CLGN: variants seen among roughly 807,000 people sequenced by gnomAD.
The protein encoded by CLGN is testis tissue sperm-binding protein Li 79P.
A neutral mutation model predicts 79.1 loss-of-function variants in CLGN; 62 were observed. That is an observed-to-expected ratio of 0.78 (90% CI 0.64 to 0.97). The LOEUF (loss-of-function observed/expected upper bound fraction) is 0.97, where lower values mean the gene tolerates loss of function less well. CLGN is among the 50% of genes least tolerant of loss of function. The pLI is 0.00. For synonymous variants in CLGN, 225 were observed against 224.7 expected, an observed-to-expected ratio of 1.00 and a Z score of -0.01; for missense variants, 647 against 715.5, an observed-to-expected ratio of 0.90 and a Z score of 1.09.
Position 140,389,062 on chromosome 4 carries a change from C to G in CLGN, c.*162G>C. Reference sequence around the variant, plus strand: ...AGATGAGGTAACTTCAAAGTTGCTTCTTTTTCCTCTGAAATGAAGGACTAA... The same window carrying G: ...AGATGAGGTAACTTCAAAGTTGCTTGTTTTTCCTCTGAAATGAAGGACTAA... On this transcript the variant is annotated 3_prime_UTR_variant, in exon 15 of 15. Coordinates refer to ENST00000325617, the MANE Select transcript of CLGN (RefSeq NM_004362.3). 1.7e-6 allele frequency: 1 copy of G among 601,408 alleles called. No homozygotes were observed. The allele number at this position is 601,408 out of a possible 1,614,324, so 37.3% of individuals were successfully genotyped here.
At chr4:140,392,762 C>T in intron 11 of CLGN, 51 bp from the exon 12 acceptor site, 1 of 1,496,958 alleles carries the variant, frequency 6.7e-7, no homozygotes, top group Non-Finnish European at 8.9e-7. Context: ...CAAACCTTTA[C>T]TGGGTAACAC....
intron 6 of CLGN, among the ~76,000 whole-genome samples, chr4:140,401,080 T>G (rs551857925): frequency 2.0e-5 from 3 of 152,244 alleles, no homozygotes; most frequent in Admixed American, 2.0e-4. Context: ...ATCCTACCAC[T>G]GCCTCTTAAA....
chr4:140,423,272 C>T (rs927805529), intron 1 of CLGN, among the ~76,000 whole-genome samples: 2 of 152,098 alleles, frequency 1.3e-5, no homozygotes, highest in African/African-American at 4.8e-5. Context: ...ATGTCAAATG[C>T]TTTTTCTGCA....
At chr4:140,398,377 C>G (rs1479660417) in intron 8 of CLGN, among the ~76,000 whole-genome samples, 1 of 144,842 alleles carries the variant, frequency 6.9e-6, no homozygotes, top group East Asian at 2.1e-4. Flanking sequence ...TCAAGCAATT[C>G]TCCTGCCTCA....
chr4:140,417,102 C>T (rs1350623580), intron 1 of CLGN, among the ~76,000 whole-genome samples: 3 of 146,292 alleles, frequency 2.1e-5, no homozygotes, highest in African/African-American at 7.6e-5. Context: ...ACAAAAACCA[C>T]ATGATTATCT....
chr4:140,410,544 A>C lies in CLGN; in HGVS notation c.218+9T>G, dbSNP rs200768733. ...ATCAAAGAAAACATTCTCTTGAATG[A>C]ATACTCACCCAGCCAACCTTCCACT... On this transcript the variant is annotated intron_variant, in intron 3 of 14. Coordinates refer to ENST00000325617, the MANE Select transcript of CLGN (RefSeq NM_004362.3). 120 of 1,573,354 alleles carry C rather than the reference A, an allele frequency of 7.6e-5. No individual in the cohort carries two copies. The East Asian group carries it at 2.6e-3, about 34-fold the overall frequency.
chr4:140,401,178 C>T (rs1728992250), intron 6 of CLGN, among the ~76,000 whole-genome samples: 1 of 152,080 alleles, frequency 6.6e-6, no homozygotes, highest in South Asian at 2.1e-4. Context: ...GATAATAGTA[C>T]CTACCTTATA....
chr4:140,405,642 C>T (rs543906733), intron 5 of CLGN, among the ~76,000 whole-genome samples: 2 of 152,188 alleles, frequency 1.3e-5, no homozygotes, highest in African/African-American at 4.8e-5. Context: ...TCAATACAAG[C>T]ACTCAGACCA....
rs1430204799 is a variant in CLGN at position 140,405,871 on chromosome 4, A to G, written c.419+71T>C. On this transcript the variant is annotated intron_variant, in intron 5 of 14. Coordinates refer to ENST00000325617, the MANE Select transcript of CLGN (RefSeq NM_004362.3). ...AGATTTTCACATCCATTTTCAAAAT[A>G]CAAGCTATATTCAGAAGCCAAAGCT... The G allele has an allele frequency of 6.9e-6, 10 of 1,452,936 alleles. No individual in the cohort carries two copies. The East Asian group carries it at 7.3e-5, about 11-fold the overall frequency. 90.0% of individuals were successfully genotyped at this position (1,452,936 alleles called of 1,614,324 possible).
At chr4:140,400,944 T>C (rs960984471) in intron 6 of CLGN, among the ~76,000 whole-genome samples, 2 of 152,126 alleles carry the variant, frequency 1.3e-5, no homozygotes, top group Non-Finnish European at 2.9e-5. Flanking sequence ...AAAATGACCC[T>C]CTGAGCACAA....
chr4:140,425,429 GGTGT>G (rs754897067), intron 1 of CLGN, among the ~76,000 whole-genome samples: 3,375 of 116,848 alleles, frequency 0.029, 125 homozygotes, highest in African/African-American at 0.094. Context: ...GAATCAATAG[GGTGT>G]GTGTGTGTGT....
rs566058701 is a variant in CLGN, at chr4:140,412,873, G to A, written c.144+62C>T. On this transcript the variant is annotated intron_variant, in intron 2 of 14. Coordinates refer to ENST00000325617, the MANE Select transcript of CLGN (RefSeq NM_004362.3). ...TTTGAACTGAAATGAATCACCAGAGGTCAATCACTTCATTGTACTATGTAA... is the reference window on the plus strand; with the variant it reads ...TTTGAACTGAAATGAATCACCAGAGATCAATCACTTCATTGTACTATGTAA... 6.6e-6 allele frequency: 9 copies of A among 1,356,474 alleles called. No homozygotes were observed. In the African/African-American group the frequency reaches 7.3e-5, roughly 11 times the overall value. 84.0% of individuals were successfully genotyped at this position (1,356,474 alleles called of 1,614,324 possible). A position where few individuals can be genotyped will look rare whatever the true frequency, so the allele number is the denominator to read the frequency against.
At chr4:140,412,348 A>G (rs991225739) in intron 2 of CLGN, among the ~76,000 whole-genome samples, 1 of 152,140 alleles carries the variant, frequency 6.6e-6, no homozygotes, top group African/African-American at 2.4e-5. Context: ...TTAGATATGA[A>G]TATTCCTCAA....
At chr4:140,410,694 TA>T (rs1193589548) in intron 2 of CLGN, 68 bp from the exon 3 acceptor site, 9 of 997,180 alleles carry the variant, frequency 9.0e-6, no homozygotes, top group Non-Finnish European at 1.4e-5. Flanking sequence ...ATAATCTTCC[TA>T]GTGAAGAACA....
intron 1 of CLGN, among the ~76,000 whole-genome samples, chr4:140,414,362 C>A (rs1250262154): frequency 6.6e-6 from 1 of 151,348 alleles, no homozygotes; most frequent in Non-Finnish European, 1.5e-5. Context: ...ATGACTTTGA[C>A]GAGCTGAGAG....
At chr4:140,410,256 G>A (rs947210527) in intron 3 of CLGN, among the ~76,000 whole-genome samples, 2 of 151,918 alleles carry the variant, frequency 1.3e-5, no homozygotes, top group Non-Finnish European at 2.9e-5. Flanking sequence ...TTAGAGTAGA[G>A]CAGTACTCAT....
In CLGN at chr4:140,395,823, T is replaced by G; in HGVS notation, c.1145A>C (p.Tyr382Ser). The G allele has an allele frequency of 6.8e-7, 1 of 1,479,212 alleles. No homozygotes were observed. The highest frequency in any genetic ancestry group is 2.4e-5 in the East Asian group (1 of 42,362). The allele number at this position is 1,479,212 out of a possible 1,614,324, so 91.6% of individuals were successfully genotyped here. ...WRPPLVDNPN[Y>S]QGIWSPRKIP... The stretch of plus-strand genomic sequence containing the variant: ...ATTGGAACAAGCGGTTGTTACCTGA[T>G]AGTTAGGATTATCGACCAGTGGAGG... The change falls in exon 10 of 15, where the codon TAT (tyrosine) becomes TCT (serine). Residue 382 changes from tyrosine to serine, a missense_variant. Coordinates refer to ENST00000325617, the MANE Select transcript of CLGN (RefSeq NM_004362.3).
rs1490505784 is a variant in CLGN, at chr4:140,392,388, TTAACA to T, written c.1492-15_1492-11del. On this transcript the variant is annotated splice_polypyrimidine_tract_variant and intron_variant, in intron 12 of 14. Transcript: ENST00000325617. ...TATCTTTATGTTTTTTCTGTGGTAG[TTAACA>T]TAAGTTATTTTTACTAAAGGCAGAG... 2.5e-6 allele frequency: 4 copies of T among 1,577,644 alleles called. No individual in the cohort carries two copies. Among genetic ancestry groups the T allele is most frequent in the South Asian group, 1.2e-5 (1 of 83,786 alleles).
intron 4 of CLGN, among the ~76,000 whole-genome samples, chr4:140,407,389 T>C (rs1729128351): frequency 6.6e-6 from 1 of 152,086 alleles, no homozygotes; most frequent in African/African-American, 2.4e-5. Flanking sequence ...AGTCAAGCTA[T>C]CACTGTTTGC....
Sources: gnomAD v4.1 joint callset for allele counts (sites outside exome capture counted in the v4.1 genomes callset) on GRCh38, gnomAD v4.1.1 for gene constraint, MANE v1.5 for transcripts, NCBI Gene and HGNC (gene_info 2026-07-23, HGNC 2026-07-21) for gene names.